CDH12: variants seen among roughly 807,000 people sequenced by gnomAD.
The protein encoded by CDH12 is cadherin-12.
CDH12 carries 41 observed loss-of-function variants against 74.1 expected under a neutral mutation model. The observed-to-expected ratio is 0.55, with a 90% CI of 0.43 to 0.72. The LOEUF (loss-of-function observed/expected upper bound fraction) is 0.72. Among genes scored for constraint, CDH12 ranks in the 30% least tolerant of loss-of-function variants. The pLI is 0.00. For synonymous variants in CDH12, 399 were observed against 355.0 expected, an observed-to-expected ratio of 1.12 and a Z score of -1.39; for missense variants, 945 against 977.2, an observed-to-expected ratio of 0.97 and a Z score of 0.44.
chr5:22,064,019 ACAAACACAC>A (rs1741385014), intron 5 of CDH12, among the ~76,000 whole-genome samples: 3 of 148,310 alleles, frequency 2.0e-5, no homozygotes, highest in African/African-American at 7.7e-5. Context: ...ACACACACAC[ACAAACACAC>A]ACACACACAC....
At chr5:22,828,971 AG>A (rs944210650) in intron 1 of CDH12, among the ~76,000 whole-genome samples, 7 of 152,212 alleles carry the variant, frequency 4.6e-5, no homozygotes, top group African/African-American at 1.7e-4. Flanking sequence ...GCTCAAATAA[AG>A]AATAGCAAAA....
intron 11 of CDH12, among the ~76,000 whole-genome samples, chr5:21,772,823 T>C (rs976579338): frequency 6.6e-6 from 1 of 152,182 alleles, no homozygotes; most frequent in African/African-American, 2.4e-5. Flanking sequence ...AACCTTTAGG[T>C]GAAAAGTTCA....
At chr5:21,939,345 C>G (rs1234613683) in intron 6 of CDH12, among the ~76,000 whole-genome samples, 1 of 151,608 alleles carries the variant, frequency 6.6e-6, no homozygotes, top group Non-Finnish European at 1.5e-5. Context: ...AATAATTAGA[C>G]TTTTAAAATG....
At chr5:22,693,686 A>G (rs1358312827) in intron 1 of CDH12, among the ~76,000 whole-genome samples, 2 of 152,104 alleles carry the variant, frequency 1.3e-5, no homozygotes, top group African/African-American at 4.8e-5. Context: ...ACAACATAAT[A>G]TATGTGTTTT....
chr5:22,473,089 C>A (rs1159206804), intron 2 of CDH12, among the ~76,000 whole-genome samples: 1 of 152,094 alleles, frequency 6.6e-6, no homozygotes, highest in Non-Finnish European at 1.5e-5. Flanking sequence ...GAGCTTTGGG[C>A]ATTCCATGAT....
intron 3 of CDH12, among the ~76,000 whole-genome samples, chr5:22,330,744 CAAA>C (rs1212274101): frequency 1.7e-4 from 9 of 52,352 alleles, no homozygotes; most frequent in African/African-American, 3.9e-4. Flanking sequence ...AGCGAGACTC[CAAA>C]AAAAAAAAAA....
intron 1 of CDH12, among the ~76,000 whole-genome samples, chr5:22,524,399 C>A (rs929661117): frequency 1.3e-5 from 2 of 152,186 alleles, no homozygotes; most frequent in African/African-American, 4.8e-5. Context: ...TAATCCCTTT[C>A]CCTTTGGAAA....
intron 1 of CDH12, among the ~76,000 whole-genome samples, chr5:22,585,166 T>C (rs1408224960): frequency 2.0e-5 from 3 of 152,228 alleles, no homozygotes; most frequent in African/African-American, 7.2e-5. Flanking sequence ...TGAAAGAGTT[T>C]GACATGTACG....
chr5:22,114,135 C>G (rs897331924), intron 4 of CDH12, among the ~76,000 whole-genome samples: 1 of 152,184 alleles, frequency 6.6e-6, no homozygotes, highest in East Asian at 1.9e-4. Flanking sequence ...CTTTTTGTTA[C>G]GCTGCCTTAC....
intron 1 of CDH12, among the ~76,000 whole-genome samples, chr5:22,776,609 GA>G (rs139095599): frequency 0.011 from 1,700 of 152,264 alleles, 20 homozygotes; most frequent in Middle Eastern, 0.044. Flanking sequence ...TTTAGTTAGA[GA>G]AACAGGATTC....
intron 8 of CDH12, among the ~76,000 whole-genome samples, chr5:21,830,934 G>C (rs2149966609): frequency 6.6e-6 from 1 of 152,122 alleles, no homozygotes. Flanking sequence ...AGCTACTCGG[G>C]AGGCTGAGGC....
At chr5:22,255,718 A>C (rs1306887517) in intron 3 of CDH12, among the ~76,000 whole-genome samples, 2 of 151,912 alleles carry the variant, frequency 1.3e-5, no homozygotes, top group Middle Eastern at 6.6e-3. Flanking sequence ...ATGAATATAT[A>C]ATGAAACTAC....
intron 1 of CDH12, among the ~76,000 whole-genome samples, chr5:22,847,839 T>G (rs1737375587): frequency 6.6e-6 from 1 of 152,074 alleles, no homozygotes; most frequent in Non-Finnish European, 1.5e-5. Flanking sequence ...TTAATTCCCT[T>G]TTACTGTATG....
At chr5:22,700,178 T>A (rs562025156) in intron 1 of CDH12, among the ~76,000 whole-genome samples, 80 of 151,752 alleles carry the variant, frequency 5.3e-4, no homozygotes, top group African/African-American at 1.9e-3. Context: ...AAAAAAAAAA[T>A]ATTAACCTGG....
At chr5:22,793,380 G>A (rs1216901435) in intron 1 of CDH12, among the ~76,000 whole-genome samples, 1 of 152,120 alleles carries the variant, frequency 6.6e-6, no homozygotes, top group Non-Finnish European at 1.5e-5. Context: ...ATACACATAT[G>A]TGGTGATTAT....
At chr5:22,503,659 AATT>A (rs1341923592) in intron 2 of CDH12, among the ~76,000 whole-genome samples, 1 of 152,090 alleles carries the variant, frequency 6.6e-6, no homozygotes, top group Non-Finnish European at 1.5e-5. Context: ...TCCTTTCTCA[AATT>A]ATTATCTTTA....
At chr5:22,650,865 C>T (rs562135355) in intron 1 of CDH12, among the ~76,000 whole-genome samples, 2 of 152,008 alleles carry the variant, frequency 1.3e-5, no homozygotes, top group East Asian at 1.9e-4. Flanking sequence ...TTGACATTAG[C>T]CTATTTGATG....
chr5:22,058,413 C>A (rs774951015), intron 5 of CDH12, among the ~76,000 whole-genome samples: 5 of 152,086 alleles, frequency 3.3e-5, no homozygotes, highest in Non-Finnish European at 7.3e-5. Context: ...TCATAAGGTA[C>A]TATTTGACAT....
chr5:21,973,164 G>A (rs1218431803), intron 6 of CDH12, among the ~76,000 whole-genome samples: 1 of 151,882 alleles, frequency 6.6e-6, no homozygotes, highest in Non-Finnish European at 1.5e-5. Flanking sequence ...CTAAGACTGG[G>A]CCATTGCACT....
Sources: allele counts gnomAD v4.1 joint callset (sites outside exome capture counted in the v4.1 genomes callset), GRCh38; gene constraint gnomAD v4.1.1; transcripts MANE v1.5; gene names NCBI Gene and HGNC (gene_info 2026-07-23, HGNC 2026-07-21).